Variants in RNLS observed in about 807,000 individuals in gnomAD.
RNLS encodes the protein renalase, FAD dependent amine oxidase, also known as renalase.
RNLS carries 39 observed loss-of-function variants against 39.8 expected under a neutral mutation model. The ratio of observed to expected loss-of-function variants is 0.98; its 90% CI spans 0.76 to 1.28. The LOEUF (loss-of-function observed/expected upper bound fraction) is 1.28. Among genes scored for constraint, RNLS ranks in the 50% most tolerant of loss-of-function variants. RNLS has a pLI of 0.00. For synonymous variants in RNLS, 147 were observed against 150.7 expected, an observed-to-expected ratio of 0.98 and a Z score of 0.18; for missense variants, 410 against 413.3, an observed-to-expected ratio of 0.99 and a Z score of 0.07.
intron 4 of RNLS, among the ~76,000 whole-genome samples, chr10:88,427,434 C>G (rs1382648074): frequency 1.3e-5 from 2 of 151,988 alleles, no homozygotes. Flanking sequence ...AATTGTTGAT[C>G]TCTTTCCAAT....
chr10:88,411,281 A>G (rs2133700445), intron 4 of RNLS, among the ~76,000 whole-genome samples: 1 of 152,258 alleles, frequency 6.6e-6, no homozygotes, highest in East Asian at 1.9e-4. Context: ...CAGAATTGCA[A>G]TTGATTATTG....
intron 6 of RNLS, among the ~76,000 whole-genome samples, chr10:88,292,619 T>C (rs1843750805): frequency 6.6e-6 from 1 of 152,014 alleles, no homozygotes; most frequent in African/African-American, 2.4e-5. Flanking sequence ...GTAGATAATT[T>C]TACCACTTTC....
intron 5 of RNLS, among the ~76,000 whole-genome samples, chr10:88,356,689 C>G (rs1849215693): frequency 6.6e-6 from 1 of 152,166 alleles, no homozygotes; most frequent in Non-Finnish European, 1.5e-5. Flanking sequence ...TAAGTTTGTT[C>G]ATTTGCTTTT....
At chr10:88,183,092 G>T in the RNLS span, among the ~76,000 whole-genome samples, 40 of 152,224 alleles carry the variant, frequency 2.6e-4, no homozygotes, top group African/African-American at 9.4e-4. Context: ...CAGATTTGGG[G>T]TTCAGTGAAG....
chr10:88,551,541 A>G (rs1268373830), intron 4 of RNLS, among the ~76,000 whole-genome samples: 1 of 152,258 alleles, frequency 6.6e-6, no homozygotes, highest in Non-Finnish European at 1.5e-5. Context: ...TTGGTGCTCA[A>G]GTGAAAACTT....
chr10:88,581,723 A>G lies in RNLS; in HGVS notation c.225-14T>C. 6.6e-7 allele frequency: 1 copy of G among 1,526,468 alleles called. No homozygotes were observed. Among genetic ancestry groups the G allele is most frequent in the South Asian group, 1.3e-5 (1 of 77,590 alleles). The allele number at this position is 1,526,468 out of a possible 1,614,324, so 94.6% of individuals were successfully genotyped here. A position where few individuals can be genotyped will look rare whatever the true frequency, so the allele number is the denominator to read the frequency against. ...TCATCATAAAAACTGAAATAAATCAATATGTATATTTAATGTAATTATATA... is the reference window on the plus strand; with the variant it reads ...TCATCATAAAAACTGAAATAAATCAGTATGTATATTTAATGTAATTATATA... On this transcript the variant is annotated splice_polypyrimidine_tract_variant and intron_variant, in intron 2 of 6. Transcript: ENST00000331772.
intron 5 of RNLS, among the ~76,000 whole-genome samples, chr10:88,355,040 C>T (rs908406648): frequency 6.6e-6 from 1 of 152,170 alleles, no homozygotes; most frequent in Admixed American, 6.5e-5. Context: ...TCACGTAGTT[C>T]TTGTGCCATG....
At position 88,581,294 on chromosome 10, in the gene RNLS, G is replaced by GTATATATATATATATA. The variant is rs61477690; in HGVS notation, c.367+257_367+272dup. Among the ~76,000 whole-genome samples, 1,188 of 129,720 alleles carry GTATATATATATATATA rather than the reference G, an allele frequency of 9.2e-3. 21 individuals are homozygous for GTATATATATATATATA. The highest frequency in any genetic ancestry group is 0.025 in the African/African-American group (823 of 33,524). The allele number at this position is 129,720 out of a possible 152,430, so 85.1% of individuals were successfully genotyped here. ...AATATATATGTATGTGTGTGTGTGTGTATATATATATATATATATATACAT... is the reference window on the plus strand; with the variant it reads ...AATATATATGTATGTGTGTGTGTGTGTATATATATATATATATATATATATATATATATATATACAT... On this transcript the variant is annotated intron_variant, in intron 3 of 6. Transcript: ENST00000331772.
At chr10:88,404,157 C>T (rs568144498) in intron 4 of RNLS, among the ~76,000 whole-genome samples, 13 of 152,184 alleles carry the variant, frequency 8.5e-5, no homozygotes, top group African/African-American at 2.9e-4. Flanking sequence ...TTCCTTTAAA[C>T]TTCTAATTTT....
the RNLS span, among the ~76,000 whole-genome samples, chr10:88,218,067 T>A: frequency 1.5e-4 from 23 of 151,586 alleles, no homozygotes; most frequent in Admixed American, 1.3e-3. Context: ...AAAAAAAAAA[T>A]AAAAGACTCC....
At chr10:88,363,214 G>C (rs1483406188) in intron 4 of RNLS, among the ~76,000 whole-genome samples, 4 of 152,034 alleles carry the variant, frequency 2.6e-5, no homozygotes, top group African/African-American at 7.2e-5. Context: ...TGGATACAAG[G>C]GGGGAATAAC....
At chr10:88,409,296 A>G (rs1012482519) in intron 4 of RNLS, among the ~76,000 whole-genome samples, 4 of 134,204 alleles carry the variant, frequency 3.0e-5, no homozygotes, top group East Asian at 4.0e-4. Context: ...AGAAAAGAAC[A>G]TGTGCAAGAA....
chr10:88,184,021 G>A, the RNLS span, among the ~76,000 whole-genome samples: 1 of 152,144 alleles, frequency 6.6e-6, no homozygotes, highest in Admixed American at 6.6e-5. Flanking sequence ...AAAGAGCTGA[G>A]AGAAGATTAG....
the RNLS span, among the ~76,000 whole-genome samples, chr10:88,253,635 G>T: frequency 4.6e-5 from 7 of 152,212 alleles, no homozygotes; most frequent in African/African-American, 1.7e-4. Flanking sequence ...TCTAGTAGCT[G>T]CCCTGTCTCT....
the RNLS span, among the ~76,000 whole-genome samples, chr10:88,242,955 AAAC>A: frequency 3.7e-4 from 56 of 151,612 alleles, no homozygotes; most frequent in East Asian, 9.6e-3. Context: ...CAAAACAAAC[AAAC>A]AAACAAACAA....
rs1444447100 is a variant in RNLS at position 88,401,334 on chromosome 10, T to C, written c.527-38609A>G. ...TATTGAGACAGGTCTTTATAACATA[T>C]ATGTTGAAATTCGGTCCTAGAAAAC... On this transcript the variant is annotated intron_variant, in intron 4 of 6. Coordinates refer to ENST00000331772, the MANE Select transcript of RNLS (RefSeq NM_001031709.3). Among the ~76,000 whole-genome samples the C allele has an allele frequency of 2.0e-5, 3 of 152,068 alleles. No homozygotes were observed. The East Asian group carries it at 5.8e-4, about 29-fold the overall frequency.
the RNLS span, among the ~76,000 whole-genome samples, chr10:88,263,528 G>T: frequency 1.1e-3 from 165 of 152,192 alleles, no homozygotes; most frequent in Non-Finnish European, 1.8e-3. Context: ...CTCTGTGTTT[G>T]CTTTGTTTTC....
intron 4 of RNLS, among the ~76,000 whole-genome samples, chr10:88,427,622 T>A (rs1381265619): frequency 6.6e-6 from 1 of 151,952 alleles, no homozygotes; most frequent in Non-Finnish European, 1.5e-5. Flanking sequence ...TTATTCCTGT[T>A]GAATTCTGGT....
chr10:88,302,513 G>T (rs1844603747), intron 6 of RNLS, among the ~76,000 whole-genome samples: 1 of 152,090 alleles, frequency 6.6e-6, no homozygotes, highest in Admixed American at 6.5e-5. Flanking sequence ...ACAAATATAA[G>T]CCAGTTGTAT....
Sources: allele counts gnomAD v4.1 joint callset (sites outside exome capture counted in the v4.1 genomes callset), GRCh38; gene constraint gnomAD v4.1.1; transcripts MANE v1.5; gene names NCBI Gene and HGNC (gene_info 2026-07-23, HGNC 2026-07-21).